The following NXPE4 variants were observed in gnomAD, a reference collection of about 807,000 sequenced individuals.
NXPE4 encodes the protein NXPE family member 4.
A neutral mutation model predicts 33.3 loss-of-function variants in NXPE4; 42 were observed. The observed-to-expected ratio is 1.26, with a 90% CI of 0.98 to 1.63. The LOEUF (loss-of-function observed/expected upper bound fraction) is 1.63. Ranked by LOEUF, NXPE4 falls within the 40% of genes most tolerant of loss-of-function variation. The probability of loss-of-function intolerance (pLI) is 0.00; values close to 1 mark genes in which losing one functional copy is unlikely to be tolerated. For synonymous variants in NXPE4, 253 were observed against 234.9 expected (o/e 1.08, Z -0.71); for missense variants, 709 against 647.6 (o/e 1.09, Z -1.03).
chr11:114,599,537 G>A (rs754494279), upstream of NXPE4, among the ~76,000 whole-genome samples: 1 of 152,128 alleles, frequency 6.6e-6, no homozygotes, highest in Non-Finnish European at 1.5e-5. Context: ...AAATATTTGA[G>A]ACTGGGTAAT....
chr11:114,650,788 A>C, the NXPE4 span, among the ~76,000 whole-genome samples: 13 of 151,932 alleles, frequency 8.6e-5, no homozygotes, highest in Admixed American at 2.0e-4. Context: ...CTCTGGAAAG[A>C]CTCTCTCTAA....
the NXPE4 span, among the ~76,000 whole-genome samples, chr11:114,650,259 AAAG>A: frequency 6.6e-6 from 1 of 152,320 alleles, no homozygotes; most frequent in South Asian, 2.1e-4. Context: ...TATAAAAAGG[AAAG>A]AAGAATCCTG....
the NXPE4 span, among the ~76,000 whole-genome samples, chr11:114,608,897 G>T: frequency 2.0e-5 from 3 of 148,114 alleles, no homozygotes; most frequent in African/African-American, 7.5e-5. Context: ...ATTGCCTCGT[G>T]GGTAACCACT....
At chr11:114,640,921 A>G in the NXPE4 span, among the ~76,000 whole-genome samples, 2 of 151,884 alleles carry the variant, frequency 1.3e-5, no homozygotes, top group Non-Finnish European at 2.9e-5. Context: ...TTTCTCTGTT[A>G]TTTGTTTTGC....
chr11:114,642,643 C>A, the NXPE4 span, among the ~76,000 whole-genome samples: 50 of 152,172 alleles, frequency 3.3e-4, 1 homozygote, highest in South Asian at 0.01. Flanking sequence ...TGTGCCACAT[C>A]TTCTTTATCC....
the NXPE4 span, among the ~76,000 whole-genome samples, chr11:114,669,799 C>T: frequency 6.6e-6 from 1 of 152,026 alleles, no homozygotes; most frequent in South Asian, 2.1e-4. Flanking sequence ...AAAAACTCTT[C>T]CAAAGATAAT....
chr11:114,635,226 A>G, the NXPE4 span, among the ~76,000 whole-genome samples: 472 of 150,116 alleles, frequency 3.1e-3, 3 homozygotes, highest in African/African-American at 0.011. Flanking sequence ...CTTTGAAGCA[A>G]TTGTGAATGG....
At chr11:114,610,310 C>T in the NXPE4 span, among the ~76,000 whole-genome samples, 20 of 151,414 alleles carry the variant, frequency 1.3e-4, no homozygotes, top group African/African-American at 4.1e-4. Flanking sequence ...AGTGTGTAAC[C>T]ACTGTTATCC....
chr11:114,668,974 C>A, the NXPE4 span, among the ~76,000 whole-genome samples: 2 of 152,036 alleles, frequency 1.3e-5, no homozygotes, highest in South Asian at 4.1e-4. Flanking sequence ...TGGGGCTGCT[C>A]CCATTCCACT....
At chr11:114,623,691 G>A in the NXPE4 span, among the ~76,000 whole-genome samples, 1 of 151,968 alleles carries the variant, frequency 6.6e-6, no homozygotes, top group African/African-American at 2.4e-5. Flanking sequence ...ATTGCCTCGT[G>A]GGAAAACAGT....
At chr11:114,584,236 C>A in intron 2 of NXPE4, 1 of 437,044 alleles carries the variant, frequency 2.3e-6, no homozygotes, top group Non-Finnish European at 4.6e-6. Flanking sequence ...CCCTAATGAG[C>A]CTTCATACAA....
Position 114,582,350 on chromosome 11 carries a change from G to A in NXPE4, c.768C>T (p.His256=). The A allele has an allele frequency of 1.2e-6, 2 of 1,612,432 alleles. No homozygotes were observed. Among genetic ancestry groups the A allele is most frequent in the Non-Finnish European group, 1.7e-6 (2 of 1,178,874 alleles). The change falls in exon 3 of 6, where the codon CAC becomes CAT. Residue 256 remains histidine, a synonymous_variant. Coordinates refer to ENST00000375478, the MANE Select transcript of NXPE4 (RefSeq NM_001077639.2). ...PQHMPCAALT[H]MYSKNKKVSY... Reference sequence around the variant, plus strand: ...AAACTTTCTTGTTCTTAGAATACATGTGAGTGAGTGCAGCACAGGGCATGT... The same window carrying A: ...AAACTTTCTTGTTCTTAGAATACATATGAGTGAGTGCAGCACAGGGCATGT...
the NXPE4 span, among the ~76,000 whole-genome samples, chr11:114,643,898 T>C: frequency 6.6e-6 from 1 of 152,194 alleles, no homozygotes. Context: ...TTCATGAGCA[T>C]GGAGTGTTTT....
chr11:114,583,723 CTGGGCCACCT>C (rs1949211410), intron 2 of NXPE4: 1 of 545,314 alleles, frequency 1.8e-6, no homozygotes, highest in African/African-American at 1.9e-5. Context: ...ATGATACAAT[CTGGGCCACCT>C]TGGAACTGCT....
the NXPE4 span, among the ~76,000 whole-genome samples, chr11:114,619,354 C>G: frequency 3.3e-5 from 5 of 151,884 alleles, no homozygotes; most frequent in African/African-American, 1.2e-4. Flanking sequence ...CCACTGTTAC[C>G]CGGTAGATAA....
At chr11:114,577,044 G>T (rs1467332245) in intron 5 of NXPE4, among the ~76,000 whole-genome samples, 2 of 25,730 alleles carry the variant, frequency 7.8e-5, no homozygotes, top group Admixed American at 4.1e-4. Context: ...TATATATAAA[G>T]TTATATATAT....
At chr11:114,632,924 A>G in the NXPE4 span, among the ~76,000 whole-genome samples, 2 of 89,990 alleles carry the variant, frequency 2.2e-5, no homozygotes, top group African/African-American at 9.3e-5. Flanking sequence ...ATTTTATATA[A>G]TTATATAATA....
chr11:114,601,045 A>C, the NXPE4 span, among the ~76,000 whole-genome samples: 4 of 151,924 alleles, frequency 2.6e-5, no homozygotes, highest in Non-Finnish European at 5.9e-5. Flanking sequence ...CATCTGTACA[A>C]GTTTTAATCT....
At chr11:114,631,117 G>A in the NXPE4 span, among the ~76,000 whole-genome samples, 4 of 151,948 alleles carry the variant, frequency 2.6e-5, no homozygotes, top group East Asian at 1.9e-4. Flanking sequence ...TCAGTGTGGC[G>A]ATTCTCAGGG....
Sources: gnomAD v4.1 joint callset for allele counts (sites outside exome capture counted in the v4.1 genomes callset) on GRCh38, gnomAD v4.1.1 for gene constraint, MANE v1.5 for transcripts, NCBI Gene and HGNC (gene_info 2026-07-23, HGNC 2026-07-21) for gene names.